The following PHF24 variants were observed in gnomAD, a reference collection of about 807,000 sequenced individuals.
PHF24 encodes Galpha inhibitory interacting protein.
A neutral mutation model predicts 42.6 loss-of-function variants in PHF24; 25 were observed. The observed-to-expected ratio is 0.59, with a 90% CI of 0.43 to 0.82. The LOEUF (loss-of-function observed/expected upper bound fraction) is 0.82. PHF24 is among the 40% of genes least tolerant of loss of function. PHF24 has a pLI of 0.00. For synonymous variants in PHF24, 185 were observed against 204.8 expected (o/e 0.90, Z 0.83); for missense variants, 470 against 538.1 (o/e 0.87, Z 1.25).
At chr9:34,810,769 T>G in the PHF24 span, among the ~76,000 whole-genome samples, 1 of 152,088 alleles carries the variant, frequency 6.6e-6, no homozygotes, top group Non-Finnish European at 1.5e-5. Flanking sequence ...TCTCTTTCCA[T>G]TCCCCTCTTT....
rs536174199 is a variant in PHF24, at chr9:34,958,795, G to T, written c.-5+394G>T. Among the ~76,000 whole-genome samples the T allele has an allele frequency of 3.9e-5, 6 of 152,290 alleles. No individual in the cohort carries two copies. The East Asian group carries it at 1.2e-3, about 29-fold the overall frequency. On this transcript the variant is annotated intron_variant, in intron 1 of 7. Transcript: ENST00000242315. The surrounding 1 kb of genome is among the most constrained non-coding windows in gnomAD (Gnocchi z 4.5). Reference sequence around the variant, plus strand: ...AGGGGAGCCGCAGGAACCTCGAGGTGGTGGAGCCCCCAGAGGGCTCCCTAG... The same window carrying T: ...AGGGGAGCCGCAGGAACCTCGAGGTTGTGGAGCCCCCAGAGGGCTCCCTAG...
At chr9:34,957,616 A>G (rs7031962), upstream of PHF24, 51,772 of 152,080 alleles carry the variant, frequency 0.34, 9,028 homozygotes, top group Middle Eastern at 0.38. Flanking sequence ...CCCAGAAAAC[A>G]GCGCATAGGG....
At chr9:34,976,836 A>G (rs1827208089) in intron 5 of PHF24, 96 bp downstream of exon 5, 1 of 1,097,398 alleles carries the variant, frequency 9.1e-7, no homozygotes, top group Non-Finnish European at 1.3e-6. Context: ...GTCCTGCTCA[A>G]GCAGGGACAA....
chr9:34,797,014 C>G, the PHF24 span, among the ~76,000 whole-genome samples: 1 of 152,186 alleles, frequency 6.6e-6, no homozygotes, highest in Admixed American at 6.5e-5. Flanking sequence ...AAAGAATACA[C>G]CCAACAACTT....
At chr9:34,722,597 G>A in the PHF24 span, among the ~76,000 whole-genome samples, 1,815 of 152,286 alleles carry the variant, frequency 0.012, 23 homozygotes, top group Admixed American at 0.027. Context: ...TTCTTGGCAC[G>A]TAATAAACAC....
At chr9:34,672,756 AC>A in the PHF24 span, among the ~76,000 whole-genome samples, 1 of 152,118 alleles carries the variant, frequency 6.6e-6, no homozygotes, top group Non-Finnish European at 1.5e-5. Flanking sequence ...TAAAGGCCCC[AC>A]CTTTCAATAT....
the PHF24 span, chr9:34,917,035 A>C: frequency 1.7e-6 from 1 of 572,602 alleles, no homozygotes; most frequent in Non-Finnish European, 3.2e-6. Flanking sequence ...GTGAACACAA[A>C]TCATGAGGGA....
chr9:34,754,446 G>A, the PHF24 span, among the ~76,000 whole-genome samples: 1 of 152,032 alleles, frequency 6.6e-6, no homozygotes, highest in African/African-American at 2.4e-5. Flanking sequence ...GTGATCATCA[G>A]ATAAATGAAA....
the PHF24 span, chr9:34,917,435 G>T: frequency 3.9e-6 from 3 of 768,318 alleles, no homozygotes; most frequent in Admixed American, 5.1e-5. Flanking sequence ...TATGTTTAAG[G>T]ACCCTTTCCG....
the PHF24 span, among the ~76,000 whole-genome samples, chr9:34,843,869 A>T: frequency 6.6e-6 from 1 of 152,070 alleles, no homozygotes; most frequent in African/African-American, 2.4e-5. Flanking sequence ...ACCATGTCAG[A>T]CCAGTATCCG....
chr9:34,971,469 G>A (rs1826979148), exon 2 of PHF24: 1 of 1,614,106 alleles, frequency 6.2e-7, no homozygotes, highest in Non-Finnish European at 8.5e-7. Flanking sequence ...AGGTACAGGA[G>A]GAGAAGGAAG....
chr9:34,709,625 C>A, the PHF24 span: 4 of 1,614,170 alleles, frequency 2.5e-6, no homozygotes, highest in Non-Finnish European at 3.4e-6. Flanking sequence ...GCTGCTGCAC[C>A]CAGAGCTCCT....
At chr9:34,735,420 C>T in the PHF24 span, among the ~76,000 whole-genome samples, 1 of 151,218 alleles carries the variant, frequency 6.6e-6, no homozygotes, top group South Asian at 2.1e-4. Context: ...CAAGCGTGAG[C>T]CACCGCACCC....
At chr9:34,884,865 G>A in the PHF24 span, among the ~76,000 whole-genome samples, 1 of 152,208 alleles carries the variant, frequency 6.6e-6, no homozygotes, top group Non-Finnish European at 1.5e-5. Context: ...CTAGGGGTGA[G>A]CAGGTACAAA....
the PHF24 span, among the ~76,000 whole-genome samples, chr9:34,679,725 A>G: frequency 1.3e-5 from 2 of 152,048 alleles, no homozygotes; most frequent in Admixed American, 1.3e-4. Context: ...AAAAACTTCC[A>G]TATTGTGGAG....
the PHF24 span, among the ~76,000 whole-genome samples, chr9:34,823,965 G>A: frequency 6.6e-6 from 1 of 152,182 alleles, no homozygotes; most frequent in African/African-American, 2.4e-5. Context: ...TCTAGGACAG[G>A]CACCTGGGCC....
At chr9:34,853,625 G>C in the PHF24 span, among the ~76,000 whole-genome samples, 1 of 151,756 alleles carries the variant, frequency 6.6e-6, no homozygotes, top group Non-Finnish European at 1.5e-5. Context: ...TCAGGAGATC[G>C]AGACCATCCC....
At chr9:34,822,922 C>T in the PHF24 span, among the ~76,000 whole-genome samples, 30 of 152,004 alleles carry the variant, frequency 2.0e-4, no homozygotes, top group African/African-American at 4.6e-4. Context: ...TCCGGCCGGG[C>T]GCGGTGGCTC....
chr9:34,745,419 G>A, the PHF24 span, among the ~76,000 whole-genome samples: 1 of 152,030 alleles, frequency 6.6e-6, no homozygotes, highest in South Asian at 2.1e-4. Context: ...TCTCGTAGGA[G>A]AATGAAAAAA....
Sources: allele counts gnomAD v4.1 joint callset (sites outside exome capture counted in the v4.1 genomes callset), GRCh38; gene constraint gnomAD v4.1.1; non-coding constraint Gnocchi (gnomAD v3.1); transcripts MANE v1.5; gene names NCBI Gene and HGNC (gene_info 2026-07-23, HGNC 2026-07-21).